NEGR1: variants seen among roughly 807,000 people sequenced by gnomAD.
NEGR1 encodes IgLON family member 4.
A neutral mutation model predicts 40.9 loss-of-function variants in NEGR1; 10 were observed. That is an observed-to-expected ratio of 0.24 (90% CI 0.15 to 0.42). NEGR1 has a LOEUF of 0.42. Among genes scored for constraint, NEGR1 ranks in the 10% least tolerant of loss-of-function variants. The pLI is 1.00. For missense variants in NEGR1, 352 were observed against 438.9 expected (o/e 0.80, Z 1.77); for synonymous variants, 185 against 166.8 (o/e 1.11, Z -0.84).
chr1:71,565,278 A>G (rs1557569151), intron 6 of NEGR1, among the ~76,000 whole-genome samples: 1 of 152,172 alleles, frequency 6.6e-6, no homozygotes, highest in Non-Finnish European at 1.5e-5. Context: ...GAATTAAGAC[A>G]TATTCAAAGG....
intron 1 of NEGR1, among the ~76,000 whole-genome samples, chr1:72,136,171 C>T (rs1385911): frequency 0.24 from 36,874 of 151,862 alleles, 4,792 homozygotes; most frequent in East Asian, 0.34. Context: ...GAAAATATAT[C>T]AATCAAAATT....
chr1:71,446,622 T>C (rs902278828), intron 6 of NEGR1, among the ~76,000 whole-genome samples: 7 of 152,226 alleles, frequency 4.6e-5, no homozygotes, highest in African/African-American at 1.7e-4. Context: ...TATTAGACTG[T>C]GTATGCTGTG....
chr1:72,129,489 G>A (rs1442764984), intron 1 of NEGR1, among the ~76,000 whole-genome samples: 1 of 152,146 alleles, frequency 6.6e-6, no homozygotes, highest in African/African-American at 2.4e-5. Flanking sequence ...GAGCTAGTGG[G>A]AGTGGGACCA....
At chr1:72,211,765 AT>A (rs144686829) in intron 1 of NEGR1, among the ~76,000 whole-genome samples, 6,708 of 151,122 alleles carry the variant, frequency 0.044, 531 homozygotes, top group African/African-American at 0.15. Context: ...GATGTTCTAA[AT>A]TTTTTTTTAA....
At chr1:71,693,620 A>G (rs1312807707) in intron 4 of NEGR1, among the ~76,000 whole-genome samples, 1 of 151,658 alleles carries the variant, frequency 6.6e-6, no homozygotes, top group East Asian at 1.9e-4. Flanking sequence ...TGAGAGTCAG[A>G]GAAGTAAAGT....
chr1:72,222,133 T>C (rs1242316769), intron 1 of NEGR1, among the ~76,000 whole-genome samples: 1 of 151,996 alleles, frequency 6.6e-6, no homozygotes, highest in Non-Finnish European at 1.5e-5. Context: ...CCCTTGCAGA[T>C]CAAAAGCCTT....
rs763376593 is a variant in NEGR1 at position 71,687,538 on chromosome 1, G to A, written c.667+10470C>T. 2.6e-5 allele frequency among the ~76,000 whole-genome samples: 4 copies of A among 152,160 alleles called. No homozygotes were observed. In the South Asian group the frequency reaches 8.3e-4, roughly 32 times the overall value. ...TAAACAAAAGCTCTTATTTCACACA[G>A]TATGTGAACAAACCTATTCTGAGTG... On this transcript the variant is annotated intron_variant, in intron 4 of 6. Transcript: ENST00000357731.
At chr1:71,567,876 C>T (rs1241301665) in intron 6 of NEGR1, among the ~76,000 whole-genome samples, 1 of 151,816 alleles carries the variant, frequency 6.6e-6, no homozygotes, top group Non-Finnish European at 1.5e-5. Flanking sequence ...ATTTTCGCAG[C>T]CTTTTTCTCA....
chr1:71,822,785 G>C (rs1317938248), intron 2 of NEGR1, among the ~76,000 whole-genome samples: 1 of 151,974 alleles, frequency 6.6e-6, no homozygotes, highest in Admixed American at 6.6e-5. Context: ...CACTAGCATG[G>C]AATCCCATTC....
At chr1:71,581,695 A>G (rs1649138996) in intron 6 of NEGR1, among the ~76,000 whole-genome samples, 1 of 98,182 alleles carries the variant, frequency 1.0e-5, no homozygotes, top group African/African-American at 3.3e-5. Context: ...CTCATTATAC[A>G]CAATTTTTTT....
In NEGR1 at chr1:71,407,153, T is replaced by G; in HGVS notation, c.*293A>C. On this transcript the variant is annotated 3_prime_UTR_variant, in exon 7 of 7. Transcript: ENST00000357731. Reference sequence around the variant, plus strand: ...CTAGCAGACCATGACTGAATGCTTTTGAAAAGTTGTAGATTACAAACATGA... The same window carrying G: ...CTAGCAGACCATGACTGAATGCTTTGGAAAAGTTGTAGATTACAAACATGA... 1 of 212,578 alleles carries G rather than the reference T, an allele frequency of 4.7e-6. No homozygotes were observed. The highest frequency in any genetic ancestry group is 9.4e-6 in the Non-Finnish European group (1 of 106,464). The allele number at this position is 212,578 out of a possible 1,614,324, so 13.2% of individuals were successfully genotyped here.
intron 4 of NEGR1, among the ~76,000 whole-genome samples, chr1:71,624,697 T>C (rs560965674): frequency 4.0e-4 from 61 of 152,038 alleles, no homozygotes; most frequent in Non-Finnish European, 6.0e-4. Context: ...GATATTGACA[T>C]GTCGTGCTTA....
At chr1:71,637,767 A>T (rs1651206001) in intron 4 of NEGR1, among the ~76,000 whole-genome samples, 1 of 151,984 alleles carries the variant, frequency 6.6e-6, no homozygotes, top group African/African-American at 2.4e-5. Context: ...ACAAAGAAGC[A>T]TCATTGGCGG....
chr1:72,234,753 T>C (rs1470114792), intron 1 of NEGR1, among the ~76,000 whole-genome samples: 4 of 152,042 alleles, frequency 2.6e-5, no homozygotes, highest in Admixed American at 2.0e-4. Context: ...CTCACACCCA[T>C]CAGAATGGTT....
At chr1:72,050,775 G>T (rs911434141) in intron 1 of NEGR1, among the ~76,000 whole-genome samples, 2 of 151,390 alleles carry the variant, frequency 1.3e-5, no homozygotes, top group Non-Finnish European at 3.0e-5. Context: ...CTGAGGTTAG[G>T]CCATAAAGAC....
At chr1:72,163,036 T>G (rs973525972) in intron 1 of NEGR1, among the ~76,000 whole-genome samples, 1 of 152,128 alleles carries the variant, frequency 6.6e-6, no homozygotes, top group Non-Finnish European at 1.5e-5. Flanking sequence ...TTATCTTTCC[T>G]TCAGTTTTTA....
chr1:71,576,338 T>C (rs980433842), intron 6 of NEGR1, among the ~76,000 whole-genome samples: 2 of 152,166 alleles, frequency 1.3e-5, no homozygotes, highest in Non-Finnish European at 2.9e-5. Flanking sequence ...CATAGTATTT[T>C]GGGGTTGCGT....
At position 71,786,264 on chromosome 1, in the gene NEGR1, A is replaced by G. The variant is rs79752129; in HGVS notation, c.410-9967T>C. 2.6e-4 allele frequency among the ~76,000 whole-genome samples: 39 copies of G among 152,256 alleles called. No homozygotes were observed. In the East Asian group the frequency reaches 7.3e-3, roughly 29 times the overall value. ...TAATAATTATTATTAATAGTTTGAT[A>G]TATTTTATTTTTGTCTTTTTATTCA... On this transcript the variant is annotated intron_variant, in intron 2 of 6. Transcript: ENST00000357731.
At chr1:71,710,311 G>C (rs1205878140) in intron 3 of NEGR1, among the ~76,000 whole-genome samples, 1 of 152,164 alleles carries the variant, frequency 6.6e-6, no homozygotes, top group Non-Finnish European at 1.5e-5. Flanking sequence ...GTAAAGAACA[G>C]TTTAGAGATT....
Sources: allele counts gnomAD v4.1 joint callset (sites outside exome capture counted in the v4.1 genomes callset), GRCh38; gene constraint gnomAD v4.1.1; transcripts MANE v1.5; gene names NCBI Gene and HGNC (gene_info 2026-07-23, HGNC 2026-07-21).